Variants in TANC2 observed in about 807,000 individuals in gnomAD.
The protein encoded by TANC2 is protein TANC2.
TANC2 carries 26 observed loss-of-function variants against 210.5 expected under a neutral mutation model. That is an observed-to-expected ratio of 0.12 (90% CI 0.09 to 0.17). The LOEUF is 0.17. TANC2 is among the 10% of genes least tolerant of loss of function. The pLI is 1.00. For missense variants in TANC2, 2,129 were observed against 2,608.9 expected, an observed-to-expected ratio of 0.82 and a Z score of 4.01; for synonymous variants, 931 against 967.1, an observed-to-expected ratio of 0.96 and a Z score of 0.69.
chr17:63,026,751 A>C (rs1486999349), intron 2 of TANC2, among the ~76,000 whole-genome samples: 1 of 152,116 alleles, frequency 6.6e-6, no homozygotes, highest in Non-Finnish European at 1.5e-5. Context: ...TTATTTCCAT[A>C]CTCTGAATTT....
chr17:63,322,211 A>G (rs2045515997), intron 11 of TANC2, among the ~76,000 whole-genome samples: 1 of 152,080 alleles, frequency 6.6e-6, no homozygotes. Flanking sequence ...AACGGTCTCT[A>G]TCCTCTTCTT....
intron 2 of TANC2, among the ~76,000 whole-genome samples, chr17:63,065,654 T>C (rs2036168681): frequency 6.6e-6 from 1 of 152,222 alleles, no homozygotes; most frequent in Non-Finnish European, 1.5e-5. Context: ...TTAGTGCTGT[T>C]GGGCATGTTT....
intron 2 of TANC2, among the ~76,000 whole-genome samples, chr17:63,019,010 T>C (rs2034234637): frequency 6.6e-6 from 1 of 152,218 alleles, no homozygotes; most frequent in Non-Finnish European, 1.5e-5. Context: ...AAAATATTAG[T>C]GTACAGGGTT....
chr17:63,238,012 C>T (rs768734001), exon 8 of TANC2: 9 of 1,565,176 alleles, frequency 5.8e-6, no homozygotes, highest in Non-Finnish European at 6.9e-6. Context: ...AATTTGGAAA[C>T]AGTGTTATCT....
chr17:63,403,653 G>A (rs567298010), intron 19 of TANC2, among the ~76,000 whole-genome samples: 64 of 152,240 alleles, frequency 4.2e-4, no homozygotes, highest in Non-Finnish European at 4.6e-4. Flanking sequence ...CTGCCCTCCC[G>A]TAAGGAACTG....
At chr17:63,419,694 G>A (rs2048965203) in intron 27 of TANC2, among the ~76,000 whole-genome samples, 1 of 152,134 alleles carries the variant, frequency 6.6e-6, no homozygotes, top group South Asian at 2.1e-4. Flanking sequence ...ATACTGCCTG[G>A]TGTGTGTTTG....
At chr17:63,356,823 A>G (rs2046795748) in intron 14 of TANC2, among the ~76,000 whole-genome samples, 1 of 152,148 alleles carries the variant, frequency 6.6e-6, no homozygotes, top group Non-Finnish European at 1.5e-5. Flanking sequence ...AGTTGTTGAG[A>G]AGTTAAGTGA....
intron 14 of TANC2, among the ~76,000 whole-genome samples, chr17:63,367,337 C>T (rs980955110): frequency 7.9e-5 from 12 of 152,182 alleles, no homozygotes; most frequent in African/African-American, 1.2e-4. Flanking sequence ...CATGTGTCCC[C>T]GGGAGGCTTT....
chr17:63,251,260 G>T (rs1369848287), intron 8 of TANC2, among the ~76,000 whole-genome samples: 1 of 152,156 alleles, frequency 6.6e-6, no homozygotes, highest in Non-Finnish European at 1.5e-5. Flanking sequence ...CTGACTGGGA[G>T]ATTGATTAGG....
At chr17:63,290,264 A>T (rs1032764773) in intron 9 of TANC2, among the ~76,000 whole-genome samples, 1 of 152,102 alleles carries the variant, frequency 6.6e-6, no homozygotes, top group Admixed American at 6.5e-5. Flanking sequence ...TGGAGTTGTT[A>T]ACTCTCAGAC....
intron 5 of TANC2, among the ~76,000 whole-genome samples, chr17:63,188,947 A>G (rs2041094314): frequency 1.3e-5 from 2 of 151,804 alleles, no homozygotes; most frequent in Non-Finnish European, 2.9e-5. Flanking sequence ...TCCCCACACA[A>G]CCCAGTCCTA....
chr17:63,407,680 A>G (rs922026135), intron 21 of TANC2, among the ~76,000 whole-genome samples: 13 of 152,350 alleles, frequency 8.5e-5, no homozygotes, highest in African/African-American at 3.1e-4. Context: ...TTAATACACT[A>G]TAACCTGTGC....
chr17:63,346,838 G>A (rs2046426928), intron 12 of TANC2, among the ~76,000 whole-genome samples: 2 of 151,926 alleles, frequency 1.3e-5, no homozygotes, highest in African/African-American at 2.4e-5. Context: ...CTGAGTAACC[G>A]GGGGCTACAG....
At position 63,237,794 on chromosome 17, in the gene TANC2, T is replaced by A; in HGVS notation, c.770-20T>A. The A allele has an allele frequency of 1.3e-6, 2 of 1,528,728 alleles. No homozygotes were observed. Among genetic ancestry groups the A allele is most frequent in the South Asian group, 2.5e-5 (2 of 79,480 alleles). 94.7% of individuals were successfully genotyped at this position (1,528,728 alleles called of 1,614,324 possible). ...TATGTATGTGGCTTTATTAAATTCA[T>A]TTTACTCTTTTTTTTTCAGCTACAT... On this transcript the variant is annotated intron_variant, in intron 7 of 27. Coordinates refer to ENST00000689528, the Ensembl canonical transcript of TANC2.
chr17:63,403,525 T>G (rs1360170972), intron 19 of TANC2, among the ~76,000 whole-genome samples: 1 of 152,174 alleles, frequency 6.6e-6, no homozygotes, highest in Non-Finnish European at 1.5e-5. Flanking sequence ...GGAGCATCAC[T>G]TATATTTAAA....
chr17:63,186,922 C>T (rs2041009591), intron 5 of TANC2, among the ~76,000 whole-genome samples: 1 of 152,196 alleles, frequency 6.6e-6, no homozygotes, highest in Non-Finnish European at 1.5e-5. Context: ...ATATCTGTTT[C>T]TCATACCTCA....
In TANC2 at chr17:63,001,944, G is replaced by T. The variant is rs571484325; in HGVS notation, c.-23-7593G>T. Among the ~76,000 whole-genome samples, 68 of 152,284 alleles carry T rather than the reference G, an allele frequency of 4.5e-4. 2 individuals are homozygous for T. The South Asian group carries it at 0.013, about 30-fold the overall frequency. On this transcript the variant is annotated intron_variant, in intron 1 of 27. Transcript: ENST00000689528. ...TCAGCAAATATTTAGCACTTCCTGTGTATCAAGTATTATTTTCCATTTACA... is the reference window on the plus strand; with the variant it reads ...TCAGCAAATATTTAGCACTTCCTGTTTATCAAGTATTATTTTCCATTTACA...
intron 7 of TANC2, among the ~76,000 whole-genome samples, chr17:63,224,203 C>G (rs898861151): frequency 6.6e-6 from 1 of 151,544 alleles, no homozygotes; most frequent in Non-Finnish European, 1.5e-5. Context: ...ACCATCACCA[C>G]TGATGCTTTT....
intron 1 of TANC2, among the ~76,000 whole-genome samples, chr17:62,977,408 A>G (rs1392039805): frequency 1.3e-5 from 2 of 152,228 alleles, no homozygotes; most frequent in Non-Finnish European, 1.5e-5. Flanking sequence ...ATTTCACTTA[A>G]TGCACTTGGG....
Sources: allele counts gnomAD v4.1 joint callset (sites outside exome capture counted in the v4.1 genomes callset), GRCh38; gene constraint gnomAD v4.1.1; transcripts MANE v1.5; gene names NCBI Gene and HGNC (gene_info 2026-07-23, HGNC 2026-07-21).